Variants in MEIS3 observed in about 807,000 individuals in gnomAD.
MEIS3 encodes the protein homeobox protein Meis3.
Under a neutral mutation model 51.4 loss-of-function variants are expected in MEIS3, and 38 were observed. That is an observed-to-expected ratio of 0.74 (90% CI 0.57 to 0.97). The LOEUF (loss-of-function observed/expected upper bound fraction) is 0.97. Among genes scored for constraint, MEIS3 ranks in the 50% least tolerant of loss-of-function variants. MEIS3 has a pLI of 0.00. For synonymous variants in MEIS3, 198 were observed against 201.8 expected (o/e 0.98, Z 0.16); for missense variants, 456 against 502.6 (o/e 0.91, Z 0.89).
chr19:47,415,568 TCTCTC>T (rs201608769), intron 4 of MEIS3, among the ~76,000 whole-genome samples: 8 of 135,074 alleles, frequency 5.9e-5, no homozygotes, highest in East Asian at 4.3e-4. Flanking sequence ...CTTCTCTCTC[TCTCTC>T]TTTTTTTTTT....
chr19:47,407,451 C>G (rs1322746703), intron 8 of MEIS3, 23 bp from the exon 9 acceptor site: 1 of 1,613,884 alleles, frequency 6.2e-7, no homozygotes, highest in South Asian at 1.1e-5. Context: ...GCAAGAGTCA[C>G]TCTGCCTGCC....
Position 47,413,950 on chromosome 19 carries a change from T to C in MEIS3, c.597+767A>G, listed in dbSNP as rs542668386. On this transcript the variant is annotated intron_variant, in intron 6 of 12. Coordinates refer to ENST00000558555, the MANE Select transcript of MEIS3 (RefSeq NM_001301059.2). ...CGGGGTTTCACCGTGTTAGCCAGAA[T>C]GGTCTTGATCTCCTGACCTCATGAT... Among the ~76,000 whole-genome samples, 81 of 151,878 alleles carry C rather than the reference T, an allele frequency of 5.3e-4. 1 individual carries two copies. Among genetic ancestry groups the C allele is most frequent in the Non-Finnish European group, 2.8e-4 (19 of 67,968 alleles).
upstream of MEIS3, among the ~76,000 whole-genome samples, chr19:47,421,697 ATGTCTGTCTGTCTGTCACCTGGGCTG>A (rs1217162274): frequency 1.3e-5 from 2 of 148,878 alleles, no homozygotes; most frequent in Non-Finnish European, 3.0e-5. Context: ...CGCCTGGGCT[ATGTCTGTCTGTCTGTCACCTGGGCTG>A]TGTCTGTCTG....
rs141460006 is a variant in MEIS3 at position 47,414,778 on chromosome 19, T to A, written c.536A>T (p.Asp179Val). The change falls in exon 6 of 13, where the codon GAC becomes GTC. Residue 179 changes from aspartate (D) to valine (V), a missense_variant. By Grantham distance (152) the Asp-to-Val change is radical. Coordinates refer to ENST00000558555, the MANE Select transcript of MEIS3 (RefSeq NM_001301059.2). Reference protein sequence around the residue: ...MPIDLVIEDRDGGCREDFEDY... With the variant: ...MPIDLVIEDRVGGCREDFEDY... ...CTCGAAGTCCTCCCTGCAGCCGCCG[T>A]CCCGATCCTCGATGACCAGGTCGAT... 68 of 1,613,302 alleles carry A rather than the reference T, an allele frequency of 4.2e-5. No homozygotes were observed. The highest frequency in any genetic ancestry group is 5.5e-5 in the Non-Finnish European group (65 of 1,179,922).
chr19:47,411,804 C>T (rs1258739207), intron 6 of MEIS3, among the ~76,000 whole-genome samples: 1 of 150,688 alleles, frequency 6.6e-6, no homozygotes, highest in Admixed American at 6.6e-5. Context: ...ACTCACAAAT[C>T]GCTGGGATTA....
In MEIS3 at chr19:47,415,193, A is replaced by G. The variant is rs116433062; in HGVS notation, c.397-92T>C. ...GAAGAGGAAGAGAAGGAGGAAGAGG[A>G]GACACAGAGAAACAGAAAGAGTGAG... On this transcript the variant is annotated intron_variant, in intron 4 of 12. Coordinates refer to ENST00000558555, the MANE Select transcript of MEIS3 (RefSeq NM_001301059.2). 841 of 789,976 alleles carry G rather than the reference A, an allele frequency of 1.1e-3. 9 individuals are homozygous for G. The African/African-American group carries it at 0.012, about 11-fold the overall frequency. 48.9% of individuals were successfully genotyped at this position (789,976 alleles called of 1,614,324 possible).
In MEIS3 at chr19:47,417,336, C is replaced by T. The variant is rs61733748; in HGVS notation, c.27G>A (p.Pro9=). 2.2e-4 allele frequency: 348 copies of T among 1,613,040 alleles called. 2 individuals carry two copies. The African/African-American group carries it at 3.9e-3, about 18-fold the overall frequency. MARRYDEL[P]HYPGIVDGPA... is the part of the protein sequence containing the mutation. ...GGCCATCCACGATGCCTGGGTAGTG[C>T]GGCAGCTCATCATACTGGGGGAAGG... The change falls in exon 2 of 13, where the codon CCG becomes CCA. Residue 9 remains proline, a synonymous_variant. Transcript: ENST00000558555.
upstream of MEIS3, among the ~76,000 whole-genome samples, chr19:47,419,781 C>T (rs1971639001): frequency 6.6e-6 from 1 of 151,838 alleles, no homozygotes; most frequent in Non-Finnish European, 1.5e-5. Flanking sequence ...CCCAGTCTCT[C>T]TCTCCTTGTC....
At chr19:47,416,481 C>T (rs1367211982) in intron 4 of MEIS3, 171 bp downstream of exon 4, 10 of 585,142 alleles carry the variant, frequency 1.7e-5, no homozygotes, top group South Asian at 8.0e-5. Flanking sequence ...CCATGGGTCC[C>T]GTTCTCAGAC....
chr19:47,414,546 C>T (rs941533994), intron 6 of MEIS3, among the ~76,000 whole-genome samples, 171 bp downstream of exon 6: 1 of 152,148 alleles, frequency 6.6e-6, no homozygotes, highest in Non-Finnish European at 1.5e-5. Flanking sequence ...CAGCCGCATC[C>T]GAGTCTGCGT....
Position 47,416,699 on chromosome 19 carries a change from G to A in MEIS3, c.349C>T (p.Arg117Cys), listed in dbSNP as rs779646781. Reference protein sequence around the residue: ...EDIAAFAKQVRSERPLFSSNP... With the variant: ...EDIAAFAKQVCSERPLFSSNP... ...GAGGAGAAGAGGGGCCTCTCAGAGC[G>A]AACCTGGGAGGGAAGAGAGAGGCCG... Residue 117 changes from arginine (R) to cysteine (C), a missense_variant, in exon 4 of 13, where the codon CGC becomes TGC. Transcript: ENST00000558555. The A allele has an allele frequency of 4.6e-5, 73 of 1,582,120 alleles. No individual in the cohort carries two copies. The Middle Eastern group carries it at 5.0e-4, about 11-fold the overall frequency.
In MEIS3 at chr19:47,416,786, TGGGTGGGA is replaced by T; in HGVS notation, c.345+10_345+17del. On this transcript the variant is annotated intron_variant, in intron 3 of 12. Transcript: ENST00000558555. The stretch of plus-strand genomic sequence containing the variant: ...GCTGGCTCTCTGACTCGGTGTGTGG[TGGGTGGGA>T]GGTGCCCACCTGCTTGGCAAAGGCA... 1 of 1,612,924 alleles carries T rather than the reference TGGGTGGGA, an allele frequency of 6.2e-7. No homozygotes were observed. The highest frequency in any genetic ancestry group is 1.1e-5 in the South Asian group (1 of 91,058).
In MEIS3 at chr19:47,406,907, G is replaced by T. The variant is rs752156570; in HGVS notation, c.1059C>A (p.His353Gln). ...PIGGYTETQP[H>Q]VAVRPPGSVG... ...GCTTACCCGGAGGCCGGACGGCCAC[G>T]TGTGGCTGCGTCTCGGTATAGCCCC... Residue 353 changes from histidine to glutamine, a missense_variant, in exon 11 of 13, where the codon CAC (histidine) becomes CAA (glutamine). Physicochemically the swap from His to Gln is conservative, Grantham distance 24 (BLOSUM62 0). Coordinates refer to ENST00000558555, the MANE Select transcript of MEIS3 (RefSeq NM_001301059.2). 1 of 1,576,682 alleles carries T rather than the reference G, an allele frequency of 6.3e-7. No individual in the cohort carries two copies. Among genetic ancestry groups the T allele is most frequent in the East Asian group, 2.3e-5 (1 of 43,286 alleles).
In MEIS3 at chr19:47,419,186, G is replaced by A; in HGVS notation, c.-105C>T. ...GACGGCCCGCGGTGTTGACGCCAGG[G>A]GGTGGGCAGGAGGCCAGGCGCGCGC... On this transcript the variant is annotated 5_prime_UTR_variant, in exon 1 of 13. Transcript: ENST00000558555. The A allele has an allele frequency of 3.5e-6, 3 of 857,516 alleles. No individual in the cohort carries two copies. The highest frequency in any genetic ancestry group is 4.6e-6 in the Non-Finnish European group (3 of 649,294). The allele number at this position is 857,516 out of a possible 1,614,324, so 53.1% of individuals were successfully genotyped here.
At chr19:47,410,832 G>A (rs1323879973) in intron 6 of MEIS3, among the ~76,000 whole-genome samples, 3 of 152,224 alleles carry the variant, frequency 2.0e-5, no homozygotes, top group African/African-American at 4.8e-5. Context: ...ATTCAATGAT[G>A]AGTTTGTCTA....
At chr19:47,404,525 G>A (rs1970730028) in intron 12 of MEIS3, among the ~76,000 whole-genome samples, 2 of 152,078 alleles carry the variant, frequency 1.3e-5, no homozygotes, top group African/African-American at 4.8e-5. Flanking sequence ...TGTGTGTAGG[G>A]GGCTGGGGCT....
upstream of MEIS3, among the ~76,000 whole-genome samples, chr19:47,420,168 C>T (rs905493455): frequency 1.3e-5 from 2 of 152,168 alleles, no homozygotes; most frequent in Non-Finnish European, 2.9e-5. Flanking sequence ...TTCCTCAAGG[C>T]CGGCGCACCC....
At chr19:47,411,944 A>G (rs1971155450) in intron 6 of MEIS3, among the ~76,000 whole-genome samples, 1 of 148,958 alleles carries the variant, frequency 6.7e-6, no homozygotes, top group Non-Finnish European at 1.5e-5. Flanking sequence ...CCTGGGCTTA[A>G]GCAATCCTCC....
intron 1 of MEIS3, chr19:47,418,473 G>C (rs1239030716): frequency 6.6e-6 from 1 of 152,374 alleles, no homozygotes; most frequent in African/African-American, 2.4e-5. Context: ...CTCCTCCCCT[G>C]TCTTCTATCC....
Sources: allele counts gnomAD v4.1 joint callset (sites outside exome capture counted in the v4.1 genomes callset), GRCh38; gene constraint gnomAD v4.1.1; transcripts MANE v1.5; gene names NCBI Gene and HGNC (gene_info 2026-07-23, HGNC 2026-07-21).